The following ARHGAP18 variants were observed in gnomAD, a reference collection of about 807,000 sequenced individuals.
ARHGAP18 encodes the protein rho GTPase-activating protein 18.
In ARHGAP18, 67 loss-of-function variants were observed where a neutral mutation model predicts 86.2. That is an observed-to-expected ratio of 0.78 (90% confidence interval 0.64 to 0.95). The LOEUF is 0.95. ARHGAP18 is among the 40% of genes least tolerant of loss of function. The pLI is 0.00. For synonymous variants in ARHGAP18, 283 were observed against 280.4 expected (o/e 1.01, Z -0.09); for missense variants, 691 against 780.4 (o/e 0.89, Z 1.37).
chr6:129,657,543 G>A (rs151300408), intron 1 of ARHGAP18, among the ~76,000 whole-genome samples: 36 of 152,104 alleles, frequency 2.4e-4, no homozygotes, highest in Admixed American at 1.6e-3. Flanking sequence ...TTCTAAGCAT[G>A]AATCCCAAAT....
In ARHGAP18 at chr6:129,616,320, G is replaced by GA. The variant is rs1319260799; in HGVS notation, c.953-18dup. ...GACCAGAATCTGCAAGAAAAAAAAT[G>GA]AAATTTCCTCACTTTTGTCAATCTA... On this transcript the variant is annotated splice_polypyrimidine_tract_variant and intron_variant, in intron 6 of 14. Coordinates refer to ENST00000368149, the MANE Select transcript of ARHGAP18 (RefSeq NM_033515.3). 7 of 1,588,018 alleles carry GA rather than the reference G, an allele frequency of 4.4e-6. No individual in the cohort carries two copies. In the African/African-American group the frequency reaches 9.5e-5, roughly 21 times the overall value.
In ARHGAP18 at chr6:129,618,757, C is replaced by T; in HGVS notation, c.882G>A (p.Glu294=). 6.2e-7 allele frequency: 1 copy of T among 1,613,746 alleles called. No individual in the cohort carries two copies. The highest frequency in any genetic ancestry group is 8.5e-7 in the Non-Finnish European group (1 of 1,179,914). ...MKKVCHLALI[E]LTALYDVLGI... ...CCAATACATCATAGAGGGCAGTCAG[C>T]TCAATTAGGGCTAAATGGCAAACTT... Residue 294 remains glutamate (E), a synonymous_variant, in exon 6 of 15, where the codon GAG becomes GAA. Transcript: ENST00000368149.
In ARHGAP18 at chr6:129,624,166, G is replaced by A. The variant is rs186115571; in HGVS notation, c.786+5187C>T. ...TAAAAGCCAACAATGACTTCATTTT[G>A]TTTAATTAGATTCTACTGTCCTTCA... On this transcript the variant is annotated intron_variant, in intron 5 of 14. Coordinates refer to ENST00000368149, the MANE Select transcript of ARHGAP18 (RefSeq NM_033515.3). 1.1e-4 allele frequency among the ~76,000 whole-genome samples: 16 copies of A among 152,252 alleles called. 1 individual carries two copies. Among genetic ancestry groups the A allele is most frequent in the Admixed American group, 2.6e-4 (4 of 15,300 alleles).
intron 14 of ARHGAP18, among the ~76,000 whole-genome samples, chr6:129,579,381 A>G (rs1342533842): frequency 6.6e-6 from 1 of 152,186 alleles, no homozygotes; most frequent in Admixed American, 6.5e-5. Flanking sequence ...ATTCCCACAA[A>G]AACACCCTAC....
chr6:129,687,661 G>A (rs1021958169), intron 1 of ARHGAP18, among the ~76,000 whole-genome samples: 21 of 152,210 alleles, frequency 1.4e-4, no homozygotes, highest in Admixed American at 1.4e-3. Flanking sequence ...CTTAACCTGT[G>A]TTGACCATCT....
At chr6:129,643,819 G>C (rs896059207) in intron 1 of ARHGAP18, among the ~76,000 whole-genome samples, 1 of 152,128 alleles carries the variant, frequency 6.6e-6, no homozygotes, top group South Asian at 2.1e-4. Flanking sequence ...TAAAATAGTA[G>C]GATTTTAATA....
At chr6:129,659,679 C>T (rs574830477) in intron 1 of ARHGAP18, among the ~76,000 whole-genome samples, 11 of 152,206 alleles carry the variant, frequency 7.2e-5, no homozygotes, top group African/African-American at 2.6e-4. Flanking sequence ...GGCATGTCGG[C>T]CAGGCTGGTC....
intron 10 of ARHGAP18, among the ~76,000 whole-genome samples, chr6:129,602,264 G>A (rs1328680751): frequency 6.6e-6 from 1 of 152,114 alleles, no homozygotes; most frequent in Admixed American, 6.5e-5. Context: ...CCATTTTACA[G>A]ATCAGAAAAC....
intron 12 of ARHGAP18, among the ~76,000 whole-genome samples, chr6:129,588,758 G>C (rs961154814): frequency 1.3e-5 from 2 of 152,198 alleles, no homozygotes; most frequent in African/African-American, 4.8e-5. Flanking sequence ...TCTCCATGAG[G>C]GTTCTGCCCC....
At chr6:129,652,212 G>A (rs917515204) in intron 1 of ARHGAP18, among the ~76,000 whole-genome samples, 1 of 152,170 alleles carries the variant, frequency 6.6e-6, no homozygotes, top group African/African-American at 2.4e-5. Flanking sequence ...AAGCCCCCTC[G>A]CAGTCCATTA....
intron 4 of ARHGAP18, among the ~76,000 whole-genome samples, chr6:129,632,681 T>C (rs1244370116): frequency 6.6e-6 from 1 of 152,174 alleles, no homozygotes; most frequent in Admixed American, 6.5e-5. Context: ...ATATAATGCA[T>C]ACAACTGAAG....
rs117185735 is a variant in ARHGAP18, at chr6:129,662,223, A to G, written c.114-20205T>C. ...GCTGTGCTCTTTTATGTGGGAGGAT[A>G]GCGCACATGAATACAAATATGGCAG... is the stretch of plus-strand genomic sequence containing the variant. On this transcript the variant is annotated intron_variant, in intron 1 of 14. Coordinates refer to ENST00000368149, the MANE Select transcript of ARHGAP18 (RefSeq NM_033515.3). Among the ~76,000 whole-genome samples, 207 of 152,382 alleles carry G rather than the reference A, an allele frequency of 1.4e-3. 2 individuals carry two copies. In the East Asian group the frequency reaches 0.034, roughly 25 times the overall value.
intron 1 of ARHGAP18, among the ~76,000 whole-genome samples, chr6:129,662,261 C>T (rs1773968592): frequency 6.6e-6 from 1 of 152,236 alleles, no homozygotes; most frequent in Admixed American, 6.5e-5. Flanking sequence ...GATGAAAGTA[C>T]AGCAGACAAG....
chr6:129,678,114 A>G (rs1774268030), intron 1 of ARHGAP18, among the ~76,000 whole-genome samples: 1 of 152,256 alleles, frequency 6.6e-6, no homozygotes, highest in Admixed American at 6.5e-5. Context: ...CACACAAGTT[A>G]TACCAGCTCA....
intron 5 of ARHGAP18, among the ~76,000 whole-genome samples, chr6:129,624,963 T>G (rs975775458): frequency 7.7e-6 from 1 of 129,826 alleles, no homozygotes; most frequent in African/African-American, 2.9e-5. Flanking sequence ...TATATATATA[T>G]GATATATATT....
chr6:129,642,733 CTT>C (rs965490241), intron 1 of ARHGAP18, among the ~76,000 whole-genome samples: 4 of 152,172 alleles, frequency 2.6e-5, no homozygotes, highest in African/African-American at 9.6e-5. Context: ...TTAGTCAACT[CTT>C]ATACAGCAAA....
intron 3 of ARHGAP18, among the ~76,000 whole-genome samples, chr6:129,637,627 C>T (rs1488647173): frequency 6.6e-6 from 1 of 152,136 alleles, no homozygotes; most frequent in Non-Finnish European, 1.5e-5. Flanking sequence ...TGTCAATCAC[C>T]AAATTTTGAC....
chr6:129,651,368 A>T (rs1773707027), intron 1 of ARHGAP18, among the ~76,000 whole-genome samples: 1 of 152,216 alleles, frequency 6.6e-6, no homozygotes. Context: ...AATTACAAAC[A>T]AGTTTCGGCT....
At chr6:129,580,627 C>T (rs776463802) in intron 13 of ARHGAP18, among the ~76,000 whole-genome samples, 2 of 152,200 alleles carry the variant, frequency 1.3e-5, no homozygotes, top group African/African-American at 2.4e-5. Context: ...AGGCTCATGC[C>T]TGTAATCCCA....
Sources: allele counts gnomAD v4.1 joint callset (sites outside exome capture counted in the v4.1 genomes callset), GRCh38; gene constraint gnomAD v4.1.1; transcripts MANE v1.5; gene names NCBI Gene and HGNC (gene_info 2026-07-23, HGNC 2026-07-21).